The following PTPRD variants were observed in gnomAD, a reference collection of about 807,000 sequenced individuals.
The protein encoded by PTPRD is protein tyrosine phosphatase receptor type D, also known as receptor-type tyrosine-protein phosphatase delta.
PTPRD carries 34 observed loss-of-function variants against 214.5 expected under a neutral mutation model. The observed-to-expected ratio is 0.16, with a 90% CI of 0.12 to 0.21. The LOEUF (loss-of-function observed/expected upper bound fraction) is 0.21. Among genes scored for constraint, PTPRD ranks in the 10% least tolerant of loss-of-function variants. PTPRD has a pLI of 1.00. For synonymous variants in PTPRD, 1,128 were observed against 845.7 expected, an observed-to-expected ratio of 1.33 and a Z score of -5.79; for missense variants, 2,545 against 2,398.7, an observed-to-expected ratio of 1.06 and a Z score of -1.27.
At chr9:8,528,161 T>A (rs2074696111) in intron 15 of PTPRD, 2 of 359,638 alleles carry the variant, frequency 5.6e-6, no homozygotes, top group African/African-American at 4.2e-5. Context: ...ATTTTAGGGT[T>A]TAATATGAAC....
At chr9:8,513,846 T>C (rs904113024) in intron 21 of PTPRD, among the ~76,000 whole-genome samples, 2 of 152,116 alleles carry the variant, frequency 1.3e-5, no homozygotes, top group African/African-American at 4.8e-5. Context: ...TTGTGCTATT[T>C]TGGAAGGTTT....
intron 7 of PTPRD, among the ~76,000 whole-genome samples, chr9:9,591,797 T>A (rs1452632079): frequency 6.6e-6 from 1 of 152,046 alleles, no homozygotes; most frequent in Non-Finnish European, 1.5e-5. Flanking sequence ...CTCAAATACT[T>A]ATCATTTCTT....
At chr9:9,240,240 T>C (rs1310760177) in intron 9 of PTPRD, among the ~76,000 whole-genome samples, 1 of 152,214 alleles carries the variant, frequency 6.6e-6, no homozygotes, top group Non-Finnish European at 1.5e-5. Context: ...GTAATAGTTA[T>C]TAAATGTCTG....
intron 2 of PTPRD, among the ~76,000 whole-genome samples, chr9:10,565,727 C>T (rs1370286889): frequency 6.6e-6 from 1 of 151,958 alleles, no homozygotes. Context: ...TCTCAGACGT[C>T]ATCTTACTCT....
chr9:9,007,030 A>C (rs896402125), intron 11 of PTPRD, among the ~76,000 whole-genome samples: 14 of 151,946 alleles, frequency 9.2e-5, no homozygotes, highest in African/African-American at 3.4e-4. Context: ...AGCAAGTAAA[A>C]AGTAAGTTCA....
At chr9:9,197,154 G>C (rs1376044469) in intron 9 of PTPRD, among the ~76,000 whole-genome samples, 4 of 152,138 alleles carry the variant, frequency 2.6e-5, no homozygotes, top group African/African-American at 7.2e-5. Flanking sequence ...CCAAATGGCA[G>C]AGTTATCTTC....
chr9:9,854,751 A>G (rs2061228049), intron 5 of PTPRD, among the ~76,000 whole-genome samples: 2 of 152,126 alleles, frequency 1.3e-5, no homozygotes, highest in African/African-American at 4.8e-5. Flanking sequence ...CAGTACCCCC[A>G]GAAAACCAGC....
chr9:10,426,979 A>C (rs1006994192), intron 2 of PTPRD, among the ~76,000 whole-genome samples: 3 of 152,084 alleles, frequency 2.0e-5, no homozygotes, highest in African/African-American at 7.2e-5. Context: ...ATCAATATTA[A>C]GAAAATTAAA....
chr9:10,190,164 C>T (rs1273153420), intron 3 of PTPRD, among the ~76,000 whole-genome samples: 3 of 151,328 alleles, frequency 2.0e-5, no homozygotes, highest in Non-Finnish European at 2.9e-5. Context: ...GTCAGGAGTT[C>T]GAGATCAGCC....
chr9:9,661,411 G>C (rs1594570192), intron 7 of PTPRD, among the ~76,000 whole-genome samples: 1 of 151,812 alleles, frequency 6.6e-6, no homozygotes, highest in South Asian at 2.1e-4. Context: ...CATATCTTTT[G>C]AATGTTTCAA....
At chr9:9,685,944 T>A (rs10816164) in intron 7 of PTPRD, among the ~76,000 whole-genome samples, 46,572 of 151,096 alleles carry the variant, frequency 0.31, 7,573 homozygotes, top group Admixed American at 0.44. Context: ...TCTCTTAATT[T>A]TAAATAAATA....
chr9:8,712,345 T>A (rs2098355803), intron 12 of PTPRD, among the ~76,000 whole-genome samples: 1 of 152,228 alleles, frequency 6.6e-6, no homozygotes, highest in South Asian at 2.1e-4. Flanking sequence ...AGCTTACTGT[T>A]TATCAATTGT....
intron 11 of PTPRD, among the ~76,000 whole-genome samples, chr9:8,986,306 T>A (rs2099344901): frequency 6.6e-6 from 1 of 152,016 alleles, no homozygotes; most frequent in Admixed American, 6.6e-5. Context: ...ATAGATATTA[T>A]TTTTTATTTA....
chr9:9,199,119 A>G (rs1228968775), intron 9 of PTPRD, among the ~76,000 whole-genome samples: 1 of 152,176 alleles, frequency 6.6e-6, no homozygotes, highest in African/African-American at 2.4e-5. Context: ...ATGAGTGCAC[A>G]AGGAGACACA....
chr9:9,059,247 A>G (rs976719590), intron 10 of PTPRD, among the ~76,000 whole-genome samples: 2 of 152,234 alleles, frequency 1.3e-5, no homozygotes, highest in African/African-American at 4.8e-5. Flanking sequence ...CAGGTAGCAC[A>G]GGGCTGGCAG....
At chr9:9,384,046 A>T (rs953331425) in intron 9 of PTPRD, among the ~76,000 whole-genome samples, 1 of 151,928 alleles carries the variant, frequency 6.6e-6, no homozygotes, top group Non-Finnish European at 1.5e-5. Flanking sequence ...ACAGTTTGCC[A>T]ACAACCACAT....
intron 11 of PTPRD, among the ~76,000 whole-genome samples, chr9:8,877,555 T>G (rs2098405133): frequency 6.6e-6 from 1 of 152,196 alleles, no homozygotes; most frequent in Non-Finnish European, 1.5e-5. Flanking sequence ...ATTTTGGTCT[T>G]TTGATGTTTC....
intron 10 of PTPRD, among the ~76,000 whole-genome samples, chr9:9,139,194 G>A (rs368828693): frequency 2.3e-4 from 34 of 149,110 alleles, no homozygotes; most frequent in African/African-American, 6.9e-4. Context: ...TATTTACTAT[G>A]TTTTTTTCTG....
intron 9 of PTPRD, among the ~76,000 whole-genome samples, chr9:9,353,332 G>C (rs1412283642): frequency 1.3e-5 from 2 of 151,832 alleles, no homozygotes. Context: ...GGTGACTTTA[G>C]AGCAACAGAA....
Sources: gnomAD v4.1 joint callset for allele counts (sites outside exome capture counted in the v4.1 genomes callset) on GRCh38, gnomAD v4.1.1 for gene constraint, MANE v1.5 for transcripts, NCBI Gene and HGNC (gene_info 2026-07-23, HGNC 2026-07-21) for gene names.